VPS13D: variants seen among roughly 807,000 people sequenced by gnomAD.
The protein encoded by VPS13D is vacuolar protein sorting 13 homolog D.
VPS13D carries 187 observed loss-of-function variants against 461.9 expected under a neutral mutation model. The observed-to-expected ratio is 0.40, with a 90% CI of 0.36 to 0.46. VPS13D has a LOEUF of 0.46. Among genes scored for constraint, VPS13D ranks in the 20% least tolerant of loss-of-function variants. The pLI is 0.60. For synonymous variants in VPS13D, 1,951 were observed against 1,986.3 expected (o/e 0.98, Z 0.47); for missense variants, 4,711 against 5,364.9 (o/e 0.88, Z 3.81).
rs1309237285 is a variant in VPS13D, at chr1:12,403,880, A to G, written c.11937A>G (p.Thr3979=). ...LHEKTAEQGG[T]PIRYYFENLK... ...AAAAGACAGCTGAGCAAGGTGGAAC[A>G]CCAATTCGATACTACTTTGAAAATC... Residue 3979 remains threonine (T), a synonymous_variant, in exon 63 of 70, where the codon ACA becomes ACG. Transcript: ENST00000620676. The G allele has an allele frequency of 1.9e-6, 3 of 1,613,028 alleles. No individual in the cohort carries two copies. The South Asian group carries it at 3.3e-5, about 18-fold the overall frequency.
At chr1:12,450,842 A>G (rs143429501) in intron 65 of VPS13D, among the ~76,000 whole-genome samples, 9 of 152,340 alleles carry the variant, frequency 5.9e-5, no homozygotes, top group African/African-American at 1.9e-4. Context: ...AAACTTCTCC[A>G]TCACACTACG....
intron 38 of VPS13D, among the ~76,000 whole-genome samples, chr1:12,333,861 AC>A (rs967747144): frequency 4.6e-5 from 7 of 152,236 alleles, no homozygotes; most frequent in Admixed American, 3.9e-4. Flanking sequence ...CTTTGGCAAC[AC>A]TGAAATGTAC....
intron 65 of VPS13D, 138 bp downstream of exon 65, chr1:12,416,965 C>G: frequency 2.1e-6 from 2 of 940,122 alleles, no homozygotes; most frequent in Non-Finnish European, 3.0e-6. Context: ...CTTGCCTTTT[C>G]CTCACCTCCA....
chr1:12,282,761 G>A lies in VPS13D; in HGVS notation c.4659G>A (p.Val1553=). ...EQVLQTLDNL[V]YSEDLNKYPA... ...TTTTACAAACCCTGGACAATCTCGT[G>A]TACAGTGAAGATCTGAATAAGTATC... The change falls in exon 21 of 70, where the codon GTG becomes GTA. Residue 1553 remains valine, a synonymous_variant. Coordinates refer to ENST00000620676, the MANE Select transcript of VPS13D (RefSeq NM_015378.4). The A allele has an allele frequency of 3.7e-6, 6 of 1,614,064 alleles. No individual in the cohort carries two copies. Among genetic ancestry groups the A allele is most frequent in the South Asian group, 1.1e-5 (1 of 91,070 alleles).
intron 57 of VPS13D, among the ~76,000 whole-genome samples, chr1:12,382,580 A>G (rs1320945843): frequency 2.0e-5 from 3 of 152,198 alleles, no homozygotes; most frequent in Non-Finnish European, 1.5e-5. Flanking sequence ...AATGATTATA[A>G]TAATTATTTT....
At chr1:12,287,027 G>C (rs746161187) in intron 21 of VPS13D, among the ~76,000 whole-genome samples, 40 of 152,084 alleles carry the variant, frequency 2.6e-4, no homozygotes, top group Non-Finnish European at 5.7e-4. Flanking sequence ...TGCCCAGCTA[G>C]TTTTTCTGTT....
intron 52 of VPS13D, among the ~76,000 whole-genome samples, chr1:12,364,580 A>C (rs1644002428): frequency 6.6e-6 from 1 of 152,160 alleles, no homozygotes; most frequent in Non-Finnish European, 1.5e-5. Context: ...CAGTCATTGC[A>C]CCATTTTACT....
intron 65 of VPS13D, among the ~76,000 whole-genome samples, chr1:12,444,986 A>G (rs1320042767): frequency 6.6e-6 from 1 of 152,202 alleles, no homozygotes; most frequent in Non-Finnish European, 1.5e-5. Context: ...GCAAGGGGTA[A>G]ATATTAGCAG....
intron 68 of VPS13D, among the ~76,000 whole-genome samples, chr1:12,506,626 C>T (rs953724236): frequency 2.6e-5 from 4 of 152,234 alleles, no homozygotes; most frequent in African/African-American, 9.6e-5. Flanking sequence ...TCTGTTTTGT[C>T]CAATAGAGTA....
chr1:12,314,518 A>C (rs1021211179), intron 30 of VPS13D, among the ~76,000 whole-genome samples, 191 bp downstream of exon 30: 1 of 152,234 alleles, frequency 6.6e-6, no homozygotes, highest in South Asian at 2.1e-4. Flanking sequence ...TTATTGGCCA[A>C]AAGATGTCTC....
chr1:12,373,890 C>A, intron 55 of VPS13D, 32 bp downstream of exon 55: 1 of 1,557,522 alleles, frequency 6.4e-7, no homozygotes, highest in Admixed American at 1.7e-5. Flanking sequence ...GTTTAGAATA[C>A]AAGGTTTTTA....
At chr1:12,335,894 A>T in intron 39 of VPS13D, 67 bp downstream of exon 39, 1 of 1,602,716 alleles carries the variant, frequency 6.2e-7, no homozygotes, top group East Asian at 2.2e-5. Context: ...CTTCACTGAG[A>T]AATTCAAATG....
At chr1:12,246,162 C>T (rs1345578482) in intron 5 of VPS13D, among the ~76,000 whole-genome samples, 5 of 152,094 alleles carry the variant, frequency 3.3e-5, no homozygotes, top group Admixed American at 6.5e-5. Context: ...AATTACAAGG[C>T]GTTGGTCGCT....
chr1:12,388,057 G>T (rs1229486963), intron 60 of VPS13D, among the ~76,000 whole-genome samples: 1 of 152,170 alleles, frequency 6.6e-6, no homozygotes, highest in South Asian at 2.1e-4. Flanking sequence ...AACTACCTGG[G>T]TAAATATATA....
rs1641092237 is a variant in VPS13D at position 12,261,047 on chromosome 1, C to G, written c.1312C>G (p.Pro438Ala). The G allele has an allele frequency of 1.2e-6, 2 of 1,614,096 alleles. No homozygotes were observed. Among genetic ancestry groups the G allele is most frequent in the Non-Finnish European group, 1.7e-6 (2 of 1,180,024 alleles). The change falls in exon 12 of 70, where the codon CCT (proline) becomes GCT (alanine). Residue 438 changes from proline to alanine, a missense_variant. By Grantham distance (27) the Pro-to-Ala change is conservative. Coordinates refer to ENST00000620676, the MANE Select transcript of VPS13D (RefSeq NM_015378.4). ...GCTGCAGTATCTCCAGTCCTGGTTT[C>G]CTGGATGGGGTGGCTGGTACGGGCA... The part of the protein sequence containing the change: ...GMLQYLQSWF[P>A]GWGGWYGQQT...
rs951417027 is a variant in VPS13D, at chr1:12,507,920, A to G, written c.13035+827A>G. On this transcript the variant is annotated intron_variant, in intron 69 of 69. Coordinates refer to ENST00000620676, the MANE Select transcript of VPS13D (RefSeq NM_015378.4). The surrounding 1 kb of genome is among the most constrained non-coding windows in gnomAD (Gnocchi z 5.3). ...TACCCGGATTTTGAAGCTTGCATTC[A>G]AGAATGATACATTAATCAAAAGGGC... 7.2e-5 allele frequency among the ~76,000 whole-genome samples: 11 copies of G among 152,246 alleles called. No homozygotes were observed. Among genetic ancestry groups the G allele is most frequent in the Non-Finnish European group, 8.8e-5 (6 of 68,044 alleles).
At chr1:12,327,578 G>T in intron 35 of VPS13D, 70 bp from the exon 36 acceptor site, 1 of 1,444,068 alleles carries the variant, frequency 6.9e-7, no homozygotes, top group East Asian at 2.7e-5. Context: ...TTATTTCTCT[G>T]TTTCCTCTGT....
At chr1:12,270,929 G>T in intron 16 of VPS13D, 65 bp from the exon 17 acceptor site, 1 of 1,574,744 alleles carries the variant, frequency 6.4e-7, no homozygotes. Flanking sequence ...GAGAATTGAT[G>T]TAGCACTTTT....
intron 67 of VPS13D, among the ~76,000 whole-genome samples, chr1:12,476,647 GCCTA>G (rs1645634646): frequency 6.6e-6 from 1 of 152,190 alleles, no homozygotes; most frequent in South Asian, 2.1e-4. Flanking sequence ...CCTAAATTTA[GCCTA>G]CCTCTTTGTT....
Sources: allele counts gnomAD v4.1 joint callset (sites outside exome capture counted in the v4.1 genomes callset), GRCh38; gene constraint gnomAD v4.1.1; non-coding constraint Gnocchi (gnomAD v3.1); transcripts MANE v1.5; gene names NCBI Gene and HGNC (gene_info 2026-07-23, HGNC 2026-07-21).